CCDC28A: variants seen among roughly 807,000 people sequenced by gnomAD.
CCDC28A encodes coiled-coil domain containing 28A.
CCDC28A carries 24 observed loss-of-function variants against 22.1 expected under a neutral mutation model. The ratio of observed to expected loss-of-function variants is 1.09; its 90% CI spans 0.79 to 1.53. The LOEUF (loss-of-function observed/expected upper bound fraction) is 1.53, where lower values mean the gene tolerates loss of function less well. CCDC28A is among the 40% of genes most tolerant of loss of function. The pLI is 0.00. For missense variants in CCDC28A, 170 were observed against 210.7 expected, an observed-to-expected ratio of 0.81 and a Z score of 1.20; for synonymous variants, 83 against 74.7, an observed-to-expected ratio of 1.11 and a Z score of -0.57.
At position 138,792,861 on chromosome 6, in the gene CCDC28A, C is replaced by A; in HGVS notation, c.*58C>A. On this transcript the variant is annotated 3_prime_UTR_variant, in exon 6 of 6. Transcript: ENST00000617445. ...AGAGAAGCAGCAGTCTTTACTTTTC[C>A]AGCCAAATCCAGTAGCAGAATCATC... is the stretch of plus-strand genomic sequence containing the variant. 2.8e-6 allele frequency: 3 copies of A among 1,074,188 alleles called. No individual in the cohort carries two copies. Among genetic ancestry groups the A allele is most frequent in the South Asian group, 1.3e-5 (1 of 75,458 alleles). 66.5% of individuals were successfully genotyped at this position (1,074,188 alleles called of 1,614,324 possible).
In CCDC28A at chr6:138,776,174, T is replaced by C; in HGVS notation, c.54T>C (p.Cys18=). The part of the protein sequence containing the change: ...RRSPKSFSAH[C]TQVVNAKKNA... Reference sequence around the variant, plus strand: ...GTCCTAAGTCTTTTAGTGCCCACTGTACTCAGGTTGTCAATGCCAAAAAAA... The same window carrying C: ...GTCCTAAGTCTTTTAGTGCCCACTGCACTCAGGTTGTCAATGCCAAAAAAA... Residue 18 remains cysteine, a synonymous_variant, in exon 2 of 6, where the codon TGT becomes TGC. Transcript: ENST00000617445. 6.2e-7 allele frequency: 1 copy of C among 1,613,962 alleles called. No homozygotes were observed. The highest frequency in any genetic ancestry group is 2.2e-5 in the East Asian group (1 of 44,872).
chr6:138,788,868 AG>A (rs554699758), intron 5 of CCDC28A, among the ~76,000 whole-genome samples: 17 of 151,922 alleles, frequency 1.1e-4, no homozygotes, highest in South Asian at 6.2e-4. Context: ...ATGATAACTG[AG>A]GGTTAGGTTA....
intron 5 of CCDC28A, among the ~76,000 whole-genome samples, chr6:138,790,708 C>T (rs116836904): frequency 0.016 from 2,402 of 152,304 alleles, 66 homozygotes; most frequent in African/African-American, 0.054. Context: ...CCCTCTTTGT[C>T]GGCTGTCTCT....
chr6:138,776,239 C>T lies in CCDC28A; in HGVS notation c.119C>T (p.Pro40Leu). The T allele has an allele frequency of 1.2e-6, 2 of 1,614,060 alleles. No individual in the cohort carries two copies. Among genetic ancestry groups the T allele is most frequent in the Non-Finnish European group, 1.7e-6 (2 of 1,179,974 alleles). ...PVSKSTGFSNPASQSTSQRPK... is the reference protein window; with the variant it reads ...PVSKSTGFSNLASQSTSQRPK... The stretch of plus-strand genomic sequence containing the variant: ...AGTAAAAGCACAGGGTTTTCAAATC[C>T]TGCATCACAGTCAACTTCACAGCGA... The change falls in exon 2 of 6, where the codon CCT (proline) becomes CTT (leucine). Residue 40 changes from proline (P) to leucine (L), a missense_variant. Pro to Leu is a moderately conservative substitution (Grantham distance 98). Coordinates refer to ENST00000617445, the MANE Select transcript of CCDC28A (RefSeq NM_015439.3).
chr6:138,792,995 G>A lies in CCDC28A; in HGVS notation c.*192G>A. On this transcript the variant is annotated 3_prime_UTR_variant, in exon 6 of 6. Coordinates refer to ENST00000617445, the MANE Select transcript of CCDC28A (RefSeq NM_015439.3). The stretch of plus-strand genomic sequence containing the variant: ...TAATTCACCATAACTGGAGGCCTAG[G>A]CCTTGTTGAAGGCTTCATCAGGAAA... The A allele has an allele frequency of 1.8e-6, 1 of 562,304 alleles. No individual in the cohort carries two copies. The highest frequency in any genetic ancestry group is 3.2e-6 in the Non-Finnish European group (1 of 313,362). The allele number at this position is 562,304 out of a possible 1,614,324, so 34.8% of individuals were successfully genotyped here. A position where few individuals can be genotyped will look rare whatever the true frequency, so the allele number is the denominator to read the frequency against.
At chr6:138,791,751 C>T in intron 5 of CCDC28A, among the ~76,000 whole-genome samples, 1 of 152,186 alleles carries the variant, frequency 6.6e-6, no homozygotes, top group East Asian at 1.9e-4. Flanking sequence ...TGTACCTTAA[C>T]CTAGCATTCT....
Position 138,773,798 on chromosome 6 carries a change from T to C in CCDC28A, c.-147T>C, listed in dbSNP as rs780261038. ...ACAAACGGAGCTGCGGAGGAGCGGG[T>C]CCCGGGATGTGACCGGGGCTCTGCT... is the stretch of plus-strand genomic sequence containing the variant. On this transcript the variant is annotated 5_prime_UTR_variant, in exon 1 of 6. Transcript: ENST00000617445. 6.2e-7 allele frequency: 1 copy of C among 1,613,874 alleles called. No homozygotes were observed. Among genetic ancestry groups the C allele is most frequent in the Non-Finnish European group, 8.5e-7 (1 of 1,179,908 alleles).
intron 5 of CCDC28A, 63 bp downstream of exon 5, chr6:138,788,451 C>T (rs2128363154): frequency 3.7e-6 from 3 of 803,934 alleles, no homozygotes; most frequent in Admixed American, 5.7e-5. Flanking sequence ...TGAATAATCT[C>T]GATCAAGTTT....
intron 4 of CCDC28A, 125 bp downstream of exon 4, chr6:138,785,506 C>A: frequency 1.5e-6 from 1 of 674,518 alleles, no homozygotes; most frequent in Non-Finnish European, 2.5e-6. Flanking sequence ...TTGTGCCGAT[C>A]GCTGTTGAAT....
At chr6:138,780,365 G>A (rs1439944760) in intron 3 of CCDC28A, among the ~76,000 whole-genome samples, 1 of 152,000 alleles carries the variant, frequency 6.6e-6, no homozygotes, top group Non-Finnish European at 1.5e-5. Flanking sequence ...TTTCTTGCCT[G>A]GGATTCCTGA....
intron 4 of CCDC28A, 38 bp downstream of exon 4, chr6:138,785,419 A>AT (rs780777022): frequency 2.0e-6 from 3 of 1,520,950 alleles, no homozygotes; most frequent in East Asian, 2.3e-5. Flanking sequence ...TTAAAAAAAA[A>AT]TTTTTGTTGC....
intron 5 of CCDC28A, among the ~76,000 whole-genome samples, 190 bp downstream of exon 5, chr6:138,788,578 T>TTTTC: frequency 1.3e-5 from 1 of 78,908 alleles, no homozygotes. Flanking sequence ...CTTTTTTTTT[T>TTTTC]TTTTTTTTTT....
chr6:138,779,526 A>G (rs1278584867), intron 2 of CCDC28A, among the ~76,000 whole-genome samples: 1 of 152,224 alleles, frequency 6.6e-6, no homozygotes, highest in Non-Finnish European at 1.5e-5. Flanking sequence ...AATGTAAAGC[A>G]TAGGATAATA....
chr6:138,778,672 A>G (rs556127575), intron 2 of CCDC28A, among the ~76,000 whole-genome samples: 22 of 152,310 alleles, frequency 1.4e-4, no homozygotes, highest in African/African-American at 5.3e-4. Flanking sequence ...ATGGATTTCT[A>G]GGAAACGAAA....
At chr6:138,776,697 T>TA (rs1395459437) in intron 2 of CCDC28A, among the ~76,000 whole-genome samples, 231 of 152,030 alleles carry the variant, frequency 1.5e-3, no homozygotes, top group African/African-American at 5.2e-3. Context: ...TATATATATA[T>TA]TTTTAAATAT....
chr6:138,777,776 A>G (rs1372313704), intron 2 of CCDC28A, among the ~76,000 whole-genome samples: 2 of 152,266 alleles, frequency 1.3e-5, no homozygotes, highest in African/African-American at 4.8e-5. Flanking sequence ...TTATTAAATG[A>G]TGAACTGATG....
chr6:138,774,936 TTTTTGTTTTGTTTTG>T (rs369968469), intron 1 of CCDC28A, among the ~76,000 whole-genome samples: 2 of 151,864 alleles, frequency 1.3e-5, no homozygotes, highest in South Asian at 2.1e-4. Flanking sequence ...GGAAGGGGTT[TTTTTGTTTTGTTTTG>T]TTTTGTTTTG....
intron 2 of CCDC28A, 62 bp from the exon 3 acceptor site, chr6:138,779,760 A>C (rs1017513052): frequency 1.1e-5 from 15 of 1,324,778 alleles, no homozygotes; most frequent in Non-Finnish European, 1.3e-5. Flanking sequence ...ACTTCACTAA[A>C]AAATTAAGCA....
rs149256094 is a variant in CCDC28A at position 138,786,137 on chromosome 6, C to T, written c.477+756C>T. On this transcript the variant is annotated intron_variant, in intron 4 of 5. Coordinates refer to ENST00000617445, the MANE Select transcript of CCDC28A (RefSeq NM_015439.3). ...AGGCCTCTCAGTTTGTAGTAGCCGT[C>T]GTGTTCACATGGCTTCTTCCTCTAT... Among the ~76,000 whole-genome samples, 318 of 152,278 alleles carry T rather than the reference C, an allele frequency of 2.1e-3. 1 individual carries two copies. The highest frequency in any genetic ancestry group is 7.3e-3 in the African/African-American group (304 of 41,546).
Sources: allele counts gnomAD v4.1 joint callset (sites outside exome capture counted in the v4.1 genomes callset), GRCh38; gene constraint gnomAD v4.1.1; transcripts MANE v1.5; gene names NCBI Gene and HGNC (gene_info 2026-07-23, HGNC 2026-07-21).